Variants in FILIP1L observed in about 807,000 individuals in gnomAD.
FILIP1L encodes filamin A-interacting protein 1-like.
A neutral mutation model predicts 96.6 loss-of-function variants in FILIP1L; 55 were observed. The observed-to-expected ratio is 0.57, with a 90% CI of 0.46 to 0.71. The LOEUF is 0.71. Ranked by LOEUF, FILIP1L falls within the 30% of genes least tolerant of loss-of-function variation. FILIP1L has a pLI of 0.00. For missense variants in FILIP1L, 1,304 were observed against 1,321.2 expected, an observed-to-expected ratio of 0.99 and a Z score of 0.20; for synonymous variants, 467 against 473.9, an observed-to-expected ratio of 0.99 and a Z score of 0.19.
intron 1 of FILIP1L, among the ~76,000 whole-genome samples, chr3:100,048,854 C>T (rs1283974896): frequency 6.6e-6 from 1 of 152,012 alleles, no homozygotes; most frequent in African/African-American, 2.4e-5. Flanking sequence ...ATCTGTTGTG[C>T]AGAATTATAT....
intron 5 of FILIP1L, among the ~76,000 whole-genome samples, chr3:99,842,179 C>A (rs1259019329): frequency 2.0e-5 from 3 of 152,096 alleles, no homozygotes; most frequent in African/African-American, 7.2e-5. Flanking sequence ...TAATGGCATT[C>A]GTAGCAACCT....
At chr3:100,036,578 T>C (rs1283989818) in intron 1 of FILIP1L, among the ~76,000 whole-genome samples, 1 of 152,222 alleles carries the variant, frequency 6.6e-6, no homozygotes, top group African/African-American at 2.4e-5. Context: ...GAATGCCTAC[T>C]AATAAATGTA....
At chr3:100,062,098 T>G (rs938786496) in intron 1 of FILIP1L, among the ~76,000 whole-genome samples, 2 of 55,770 alleles carry the variant, frequency 3.6e-5, no homozygotes, top group East Asian at 5.2e-4. Context: ...TTCTTCTTTT[T>G]TTTTTTTTTT....
At chr3:100,057,318 A>G (rs1261431265) in intron 1 of FILIP1L, among the ~76,000 whole-genome samples, 2 of 152,252 alleles carry the variant, frequency 1.3e-5, no homozygotes, top group Admixed American at 6.5e-5. Flanking sequence ...GAAAGATGAC[A>G]TGATCTCTAG....
At chr3:99,995,843 A>C (rs1709662533) in intron 1 of FILIP1L, among the ~76,000 whole-genome samples, 1 of 152,194 alleles carries the variant, frequency 6.6e-6, no homozygotes. Flanking sequence ...CAGGGCACCA[A>C]GTCCCTGGGC....
chr3:100,072,562 C>T (rs2107376994), intron 1 of FILIP1L, among the ~76,000 whole-genome samples: 1 of 152,338 alleles, frequency 6.6e-6, no homozygotes, highest in African/African-American at 2.4e-5. Flanking sequence ...CTCTGGCATC[C>T]AGTTCCAGCA....
chr3:99,864,578 T>C (rs1423383844), intron 4 of FILIP1L, among the ~76,000 whole-genome samples: 1 of 152,166 alleles, frequency 6.6e-6, no homozygotes, highest in African/African-American at 2.4e-5. Flanking sequence ...ACAAAAAATG[T>C]TGACCTCAGA....
chr3:99,872,140 T>C (rs1944820278), intron 4 of FILIP1L, among the ~76,000 whole-genome samples: 1 of 152,198 alleles, frequency 6.6e-6, no homozygotes, highest in Non-Finnish European at 1.5e-5. Flanking sequence ...GCCCTACCTC[T>C]GCATAGCTGT....
chr3:99,980,879 A>T (rs1392072311), intron 1 of FILIP1L, among the ~76,000 whole-genome samples: 1 of 152,140 alleles, frequency 6.6e-6, no homozygotes, highest in Non-Finnish European at 1.5e-5. Flanking sequence ...GCTTCCTTTA[A>T]CATTATGCTA....
chr3:100,037,183 G>A (rs565178532), intron 1 of FILIP1L, among the ~76,000 whole-genome samples: 2 of 151,020 alleles, frequency 1.3e-5, no homozygotes, highest in Non-Finnish European at 2.9e-5. Flanking sequence ...TCCTGATTTT[G>A]ATCATTGTGG....
At chr3:99,940,652 G>A (rs1022601506) in intron 1 of FILIP1L, among the ~76,000 whole-genome samples, 18 of 152,198 alleles carry the variant, frequency 1.2e-4, no homozygotes. Context: ...CTAGGAAGAT[G>A]TGAATCCTAA....
At chr3:99,832,788 C>G (rs1942729534) in intron 5 of FILIP1L, among the ~76,000 whole-genome samples, 1 of 142,416 alleles carries the variant, frequency 7.0e-6, no homozygotes, top group Non-Finnish European at 1.5e-5. Flanking sequence ...TGCAGTGAGC[C>G]GAGATCATAG....
At chr3:99,846,052 G>A (rs1314209699) in intron 5 of FILIP1L, among the ~76,000 whole-genome samples, 2 of 152,152 alleles carry the variant, frequency 1.3e-5, no homozygotes, top group Non-Finnish European at 2.9e-5. Flanking sequence ...GCTCACATAA[G>A]AAATTGAATC....
At chr3:99,860,506 A>C (rs1431670441) in intron 4 of FILIP1L, among the ~76,000 whole-genome samples, 1 of 152,202 alleles carries the variant, frequency 6.6e-6, no homozygotes, top group Admixed American at 6.5e-5. Context: ...ACTGAGAAAA[A>C]GGGTCTCTGA....
chr3:99,886,905 G>A (rs544767118), intron 4 of FILIP1L, among the ~76,000 whole-genome samples: 1 of 151,612 alleles, frequency 6.6e-6, no homozygotes, highest in Non-Finnish European at 1.5e-5. Context: ...GGGAGGCAGA[G>A]GTTGTAGTGA....
chr3:99,922,617 ATTGGAAGTAG>A (rs1707159436), intron 4 of FILIP1L, among the ~76,000 whole-genome samples: 1 of 152,224 alleles, frequency 6.6e-6, no homozygotes, highest in South Asian at 2.1e-4. Flanking sequence ...TGAAGTATGA[ATTGGAAGTAG>A]TTGAATAAGC....
At chr3:99,858,336 G>A (rs968619314) in intron 4 of FILIP1L, among the ~76,000 whole-genome samples, 9 of 151,806 alleles carry the variant, frequency 5.9e-5, no homozygotes, top group Non-Finnish European at 1.3e-4. Context: ...ATGGTGGCAC[G>A]TGCCTGTGGT....
chr3:100,006,806 G>T (rs960873518), intron 1 of FILIP1L, among the ~76,000 whole-genome samples: 2 of 152,204 alleles, frequency 1.3e-5, no homozygotes, highest in Non-Finnish European at 2.9e-5. Context: ...GTCAGCCAAA[G>T]TAAACAAGCA....
intron 1 of FILIP1L, among the ~76,000 whole-genome samples, chr3:99,948,345 A>G (rs571983578): frequency 1.3e-5 from 2 of 152,132 alleles, no homozygotes; most frequent in South Asian, 4.2e-4. Context: ...TAAAAAAATT[A>G]AAAAATTTTT....
Sources: gnomAD v4.1 joint callset for allele counts (sites outside exome capture counted in the v4.1 genomes callset) on GRCh38, gnomAD v4.1.1 for gene constraint, MANE v1.5 for transcripts, NCBI Gene and HGNC (gene_info 2026-07-23, HGNC 2026-07-21) for gene names.